The following AGFG1 variants were observed in gnomAD, a reference collection of about 807,000 sequenced individuals.
The protein encoded by AGFG1 is ArfGAP with FG repeats 1.
AGFG1 carries 10 observed loss-of-function variants against 60.6 expected under a neutral mutation model. The observed-to-expected ratio is 0.16, with a 90% CI of 0.10 to 0.28. AGFG1 has a LOEUF of 0.28. Among genes scored for constraint, AGFG1 ranks in the 10% least tolerant of loss-of-function variants. The probability of loss-of-function intolerance (pLI) is 1.00; values close to 1 mark genes in which losing one functional copy is unlikely to be tolerated. For missense variants in AGFG1, 537 were observed against 676.5 expected (o/e 0.79, Z 2.29); for synonymous variants, 247 against 242.9 (o/e 1.02, Z -0.16).
chr2:227,540,695 C>T (rs976135412), intron 10 of AGFG1, among the ~76,000 whole-genome samples: 5 of 152,158 alleles, frequency 3.3e-5, no homozygotes, highest in African/African-American at 1.2e-4. Context: ...ATTTATAATC[C>T]TTTGGGTATA....
intron 2 of AGFG1, chr2:227,508,157 G>C (rs528971940): frequency 4.3e-4 from 66 of 153,188 alleles, no homozygotes; most frequent in Middle Eastern, 3.4e-3. Flanking sequence ...AATTCTCTCT[G>C]TTCCTTGGCC....
intron 2 of AGFG1, among the ~76,000 whole-genome samples, chr2:227,499,376 A>G (rs1415126661): frequency 1.3e-5 from 2 of 152,020 alleles, no homozygotes; most frequent in African/African-American, 4.8e-5. Flanking sequence ...ACCATGCCTC[A>G]TGTTTGTAAT....
At chr2:227,475,742 G>C (rs940814764) in intron 1 of AGFG1, among the ~76,000 whole-genome samples, 4 of 152,144 alleles carry the variant, frequency 2.6e-5, no homozygotes, top group African/African-American at 9.7e-5. Flanking sequence ...CTTTATTTAT[G>C]TTAAGAAGAT....
At chr2:227,553,978 T>A (rs752308737) in intron 12 of AGFG1, among the ~76,000 whole-genome samples, 183 bp downstream of exon 12, 52 of 152,172 alleles carry the variant, frequency 3.4e-4, no homozygotes, top group Non-Finnish European at 6.9e-4. Context: ...TTTAAAAAAT[T>A]AGTTGCAAAT....
chr2:227,540,370 G>A (rs894102663), intron 10 of AGFG1, among the ~76,000 whole-genome samples: 6 of 151,886 alleles, frequency 4.0e-5, no homozygotes, highest in Non-Finnish European at 5.9e-5. Context: ...GACAGGCGCC[G>A]GTGTGTGATG....
At chr2:227,540,698 T>C (rs1692465344) in intron 10 of AGFG1, among the ~76,000 whole-genome samples, 1 of 152,230 alleles carries the variant, frequency 6.6e-6, no homozygotes, top group Non-Finnish European at 1.5e-5. Context: ...TATAATCCTT[T>C]GGGTATATAC....
Position 227,560,444 on chromosome 2 carries a change from C to CT in AGFG1, c.*5950dup, listed in dbSNP as rs1693104911. ...GAAGAAAAAAAATCTCTCTGACTAT[C>CT]TGAAGATATATGAAAAAGCCTATGC... On this transcript the variant is annotated 3_prime_UTR_variant, in exon 13 of 13. Transcript: ENST00000310078. 1.3e-5 allele frequency: 2 copies of CT among 152,016 alleles called. No individual in the cohort carries two copies. Among genetic ancestry groups the CT allele is most frequent in the African/African-American group, 4.8e-5 (2 of 41,428 alleles). 9.4% of individuals were successfully genotyped at this position (152,016 alleles called of 1,614,324 possible). A position where few individuals can be genotyped will look rare whatever the true frequency, so the allele number is the denominator to read the frequency against.
intron 2 of AGFG1, chr2:227,510,917 T>C (rs766847783): frequency 6.6e-6 from 1 of 152,216 alleles, no homozygotes; most frequent in Non-Finnish European, 1.5e-5. Context: ...ATTCTAAATA[T>C]TTGCTTCTTT....
chr2:227,552,428 AAGG>A (rs1692847292), intron 11 of AGFG1, among the ~76,000 whole-genome samples: 1 of 152,128 alleles, frequency 6.6e-6, no homozygotes. Context: ...TTGATTTTAA[AAGG>A]AGAATTTATA....
At chr2:227,493,696 A>G (rs1003331224) in intron 2 of AGFG1, among the ~76,000 whole-genome samples, 1 of 152,224 alleles carries the variant, frequency 6.6e-6, no homozygotes, top group Non-Finnish European at 1.5e-5. Context: ...AATCACTGTC[A>G]CTGTGCTGGG....
intron 5 of AGFG1, among the ~76,000 whole-genome samples, chr2:227,528,919 A>T (rs545930750): frequency 6.6e-6 from 1 of 152,346 alleles, no homozygotes; most frequent in East Asian, 1.9e-4. Flanking sequence ...AAAGTGGTTA[A>T]TCTTAACTGT....
chr2:227,477,360 A>C (rs1241613898), intron 1 of AGFG1, among the ~76,000 whole-genome samples: 3 of 152,224 alleles, frequency 2.0e-5, no homozygotes, highest in Non-Finnish European at 4.4e-5. Context: ...ACATTCTAGT[A>C]ACAGTGATGT....
At chr2:227,542,163 G>A (rs1692509958) in intron 10 of AGFG1, among the ~76,000 whole-genome samples, 2 of 151,898 alleles carry the variant, frequency 1.3e-5, no homozygotes, top group Admixed American at 1.3e-4. Flanking sequence ...TTTTTCTCTT[G>A]CCTGATTGCC....
intron 2 of AGFG1, among the ~76,000 whole-genome samples, chr2:227,493,602 T>A (rs1001741978): frequency 1.3e-5 from 2 of 152,202 alleles, no homozygotes; most frequent in African/African-American, 4.8e-5. Flanking sequence ...GTAAATGTTA[T>A]AAGTGACTGA....
chr2:227,544,545 T>C (rs1692585553), intron 10 of AGFG1, among the ~76,000 whole-genome samples: 1 of 152,208 alleles, frequency 6.6e-6, no homozygotes, highest in African/African-American at 2.4e-5. Context: ...TGCAGTTTCT[T>C]CCTAGCATCG....
intron 1 of AGFG1, among the ~76,000 whole-genome samples, chr2:227,481,099 C>CTTTTTTTTTTTTTTTT (rs36152184): frequency 9.2e-5 from 7 of 75,724 alleles, no homozygotes; most frequent in African/African-American, 2.1e-4. Flanking sequence ...GTGTTTTAGG[C>CTTTTTTTTTTTTTTTT]TTTTTTTTTT....
intron 7 of AGFG1, 89 bp downstream of exon 7, chr2:227,533,847 C>T (rs929680414): frequency 4.1e-6 from 5 of 1,221,232 alleles, no homozygotes; most frequent in East Asian, 4.9e-5. Flanking sequence ...ACATGCTACA[C>T]TTTTCTCAGT....
chr2:227,496,010 T>C, intron 2 of AGFG1, among the ~76,000 whole-genome samples: 1 of 150,588 alleles, frequency 6.6e-6, no homozygotes, highest in Non-Finnish European at 1.5e-5. Flanking sequence ...CCCAGGTACT[T>C]GGGAGACTGA....
At chr2:227,538,258 A>G (rs866099222) in intron 10 of AGFG1, among the ~76,000 whole-genome samples, 19 of 152,310 alleles carry the variant, frequency 1.2e-4, no homozygotes, top group Middle Eastern at 3.4e-3. Context: ...TAATTGTGTG[A>G]CAGCTGAGGG....
Sources: allele counts gnomAD v4.1 joint callset (sites outside exome capture counted in the v4.1 genomes callset), GRCh38; gene constraint gnomAD v4.1.1; transcripts MANE v1.5; gene names NCBI Gene and HGNC (gene_info 2026-07-23, HGNC 2026-07-21).